Variants in FADS2 observed in about 807,000 individuals in gnomAD.
The protein encoded by FADS2 is acyl-CoA 6-desaturase.
Under a neutral mutation model 61.2 loss-of-function variants are expected in FADS2, and 18 were observed. That is an observed-to-expected ratio of 0.29 (90% CI 0.20 to 0.44). The LOEUF (loss-of-function observed/expected upper bound fraction) is 0.44. FADS2 is among the 20% of genes least tolerant of loss of function. The pLI is 1.00. For synonymous variants in FADS2, 203 were observed against 223.9 expected, an observed-to-expected ratio of 0.91 and a Z score of 0.83; for missense variants, 322 against 572.7, an observed-to-expected ratio of 0.56 and a Z score of 4.47.
At chr11:61,831,452 A>T (rs1273097674) in intron 1 of FADS2, among the ~76,000 whole-genome samples, 1 of 152,176 alleles carries the variant, frequency 6.6e-6, no homozygotes, top group Non-Finnish European at 1.5e-5. Context: ...TTCTTGGGAC[A>T]ATCCTCGAAG....
Position 61,816,325 on chromosome 11 carries a change from G to T in FADS2, c.40G>T (p.Val14Leu). The change falls in exon 1 of 12, where the codon GTG becomes TTG. Residue 14 changes from valine to leucine, a missense_variant. By Grantham distance (32) the Val-to-Leu change is conservative (BLOSUM62 1). Coordinates refer to the FADS2 transcript ENST00000257261. The surrounding 1 kb of genome is among the most constrained non-coding windows in gnomAD (Gnocchi z 7.0). ...GGCGGGACCCTTTGTTTGTGTGTGC[G>T]TGTTGTTGGCCTCCATCCCCACTCC... 6.3e-7 allele frequency: 1 copy of T among 1,598,408 alleles called. No homozygotes were observed. The highest frequency in any genetic ancestry group is 8.5e-7 in the Non-Finnish European group (1 of 1,179,796).
At chr11:61,853,231 CTCTT>C (rs138194593) in intron 5 of FADS2, among the ~76,000 whole-genome samples, 47,252 of 121,040 alleles carry the variant, frequency 0.39, 9,437 homozygotes, top group African/African-American at 0.54. Context: ...TTTCTTTCTT[CTCTT>C]TCTTTCTTTC....
Position 61,816,604 on chromosome 11 carries a change from T to A in FADS2, c.141+178T>A, listed in dbSNP as rs1013439914. ...GCTGATGACCCGGGAGCCCCCTGGA[T>A]GCCGGCGGGTGAACTCGCTGATGTT... On this transcript the variant is annotated intron_variant, in intron 1 of 11. Coordinates refer to the FADS2 transcript ENST00000257261. This position sits in a 1 kb window ranked among gnomAD's most constrained non-coding sequence, Gnocchi z 7.0. The A allele has an allele frequency of 6.2e-7, 1 of 1,604,776 alleles. No homozygotes were observed. The highest frequency in any genetic ancestry group is 1.7e-5 in the Admixed American group (1 of 58,808).
intron 4 of FADS2, among the ~76,000 whole-genome samples, chr11:61,844,775 A>G (rs955479018): frequency 2.7e-4 from 40 of 147,888 alleles, no homozygotes; most frequent in Non-Finnish European, 6.0e-5. Context: ...AATACAAAAA[A>G]TTAGCCGGGC....
At chr11:61,852,504 G>A (rs1257170627) in intron 5 of FADS2, among the ~76,000 whole-genome samples, 1 of 151,968 alleles carries the variant, frequency 6.6e-6, no homozygotes, top group Non-Finnish European at 1.5e-5. Flanking sequence ...CAAGTGATCC[G>A]CCTACCTCAG....
chr11:61,829,911 T>C (rs953173079), intron 1 of FADS2, among the ~76,000 whole-genome samples: 47 of 152,126 alleles, frequency 3.1e-4, no homozygotes, highest in African/African-American at 1.1e-3. Context: ...GGACAGGTGG[T>C]GTGGGCCAGC....
rs368486724 is a variant in FADS2 at position 61,863,046 on chromosome 11, C to G, written c.957C>G (p.Ala319=). ...TCCCTTTCTACGGCATCCTGGGAGC[C>G]CTCCTTTTCCTCAACTTCATCAGGT... ...TYIPFYGILG[A]LLFLNFIRFL... Residue 319 remains alanine, a synonymous_variant, in exon 8 of 12, where the codon GCC becomes GCG. Coordinates refer to ENST00000278840, the MANE Select transcript of FADS2 (RefSeq NM_004265.4). The G allele has an allele frequency of 1.2e-6, 2 of 1,614,094 alleles. No homozygotes were observed. The highest frequency in any genetic ancestry group is 1.7e-5 in the Admixed American group (1 of 60,012).
rs375539787 is a variant in FADS2, at chr11:61,857,640, C to T, written c.882+110C>T. 1.8e-3 allele frequency: 1,481 copies of T among 842,872 alleles called. 6 individuals carry two copies. Among genetic ancestry groups the T allele is most frequent in the Admixed American group, 2.8e-3 (150 of 53,456 alleles). 52.2% of individuals were successfully genotyped at this position (842,872 alleles called of 1,614,324 possible). A position where few individuals can be genotyped will look rare whatever the true frequency, so the allele number is the denominator to read the frequency against. On this transcript the variant is annotated intron_variant, in intron 7 of 11. Coordinates refer to ENST00000278840, the MANE Select transcript of FADS2 (RefSeq NM_004265.4). ...GTGCCCCAGTGGAGCCTGTGGGGCC[C>T]CAGGCATCTCCTCCCTGGGGTAGCT...
At position 61,816,782 on chromosome 11, in the gene FADS2, C is replaced by G; in HGVS notation, c.141+356C>G. 6.6e-7 allele frequency: 1 copy of G among 1,519,260 alleles called. No individual in the cohort carries two copies. The highest frequency in any genetic ancestry group is 8.8e-7 in the Non-Finnish European group (1 of 1,139,362). 94.1% of individuals were successfully genotyped at this position (1,519,260 alleles called of 1,614,324 possible). A position where few individuals can be genotyped will look rare whatever the true frequency, so the allele number is the denominator to read the frequency against. On this transcript the variant is annotated intron_variant, in intron 1 of 11. Transcript: ENST00000257261. The surrounding 1 kb of genome is among the most constrained non-coding windows in gnomAD (Gnocchi z 7.0). ...ATAGCTGGCCTGGCGACGCCGCGCG[C>G]CGGGCCAGCAGGGGCTGTCAGGCGC... is the stretch of plus-strand genomic sequence containing the variant.
At chr11:61,825,461 T>C (rs1455312682), upstream of FADS2, among the ~76,000 whole-genome samples, 2 of 151,632 alleles carry the variant, frequency 1.3e-5, no homozygotes, top group African/African-American at 4.9e-5. Context: ...CTACTAAAAA[T>C]ATAAAAATTA....
At chr11:61,850,625 T>TA (rs1371484783) in intron 5 of FADS2, among the ~76,000 whole-genome samples, 1 of 152,172 alleles carries the variant, frequency 6.6e-6, no homozygotes, top group Non-Finnish European at 1.5e-5. Context: ...TCTTTTTTTT[T>TA]ATGTAGAGCC....
intron 1 of FADS2, among the ~76,000 whole-genome samples, chr11:61,821,793 A>G (rs2067038149): frequency 6.6e-6 from 1 of 152,260 alleles, no homozygotes. Flanking sequence ...AAGTAATATT[A>G]AAAATAATTT....
At chr11:61,859,409 CTG>C (rs1242836664) in intron 7 of FADS2, among the ~76,000 whole-genome samples, 1 of 152,216 alleles carries the variant, frequency 6.6e-6, no homozygotes, top group Non-Finnish European at 1.5e-5. Flanking sequence ...TTCACCCTGA[CTG>C]TGAATTTAAG....
At chr11:61,832,669 G>T (rs1159155315) in intron 1 of FADS2, among the ~76,000 whole-genome samples, 1 of 152,146 alleles carries the variant, frequency 6.6e-6, no homozygotes, top group African/African-American at 2.4e-5. Context: ...CATGGCATAG[G>T]GGCTTCCTGC....
chr11:61,863,207 G>A, intron 8 of FADS2, 75 bp from the exon 9 acceptor site: 1 of 1,454,022 alleles, frequency 6.9e-7, no homozygotes, highest in Non-Finnish European at 9.6e-7. Context: ...GTCCTGGGCT[G>A]GTTGGGAGAG....
chr11:61,826,294 G>A, upstream of FADS2: 1 of 702,496 alleles, frequency 1.4e-6, no homozygotes, highest in South Asian at 1.5e-5. Flanking sequence ...ACCTACCCTG[G>A]CTGGTACTGT....
intron 5 of FADS2, among the ~76,000 whole-genome samples, chr11:61,851,359 T>C (rs174593): frequency 0.24 from 37,002 of 152,158 alleles, 4,809 homozygotes; most frequent in Middle Eastern, 0.33. Context: ...CCGACACTTC[T>C]GGAACGCTGG....
At chr11:61,821,431 T>A in intron 1 of FADS2, 1 of 702,018 alleles carries the variant, frequency 1.4e-6, no homozygotes. Flanking sequence ...CATAATTGAA[T>A]AACCTAACTG....
intron 5 of FADS2, among the ~76,000 whole-genome samples, chr11:61,851,792 C>G (rs891227206): frequency 6.6e-6 from 1 of 152,236 alleles, no homozygotes; most frequent in African/African-American, 2.4e-5. Context: ...CTGTGAATAG[C>G]GCGGGCTCCG....
Sources: allele counts gnomAD v4.1 joint callset (sites outside exome capture counted in the v4.1 genomes callset), GRCh38; gene constraint gnomAD v4.1.1; non-coding constraint Gnocchi (gnomAD v3.1); transcripts MANE v1.5; gene names NCBI Gene and HGNC (gene_info 2026-07-23, HGNC 2026-07-21).